The following HTN1 variants were observed in gnomAD, a reference collection of about 807,000 sequenced individuals.
HTN1 encodes the protein histatin-1.
In HTN1, 18 loss-of-function variants were observed where a neutral mutation model predicts 11.2. The ratio of observed to expected loss-of-function variants is 1.61; its 90% confidence interval spans 1.12 to 2.39. The LOEUF is 2.39. HTN1 is among the 30% of genes most tolerant of loss of function. HTN1 has a pLI of 0.00. For synonymous variants in HTN1, 21 were observed against 20.5 expected (o/e 1.02, Z -0.07); for missense variants, 80 against 67.2 (o/e 1.19, Z -0.67).
At chr4:70,056,651 A>G (rs1203857378) in intron 5 of HTN1, 2 of 152,156 alleles carry the variant, frequency 1.3e-5, no homozygotes, top group African/African-American at 2.4e-5. Flanking sequence ...GTCGAGCTCT[A>G]ATATCCAGAA....
intron 5 of HTN1, chr4:70,058,303 T>C (rs1726095235): frequency 6.6e-6 from 1 of 152,110 alleles, no homozygotes; most frequent in African/African-American, 2.4e-5. Context: ...ATGAAATGTG[T>C]AGGCTATATT....
intron 4 of HTN1, among the ~76,000 whole-genome samples, chr4:70,054,702 T>C (rs748455383): frequency 3.3e-5 from 5 of 152,046 alleles, no homozygotes; most frequent in Non-Finnish European, 7.4e-5. Context: ...CTTATCTTTG[T>C]CCTGTAAATA....
At chr4:70,057,603 A>C (rs1031067825) in intron 5 of HTN1, 5 of 152,220 alleles carry the variant, frequency 3.3e-5, no homozygotes, top group Non-Finnish European at 7.3e-5. Context: ...CTATAGTTCC[A>C]GTTCTGACCT....
chr4:70,051,089 G>A (rs1464342891), intron 1 of HTN1, among the ~76,000 whole-genome samples: 1 of 150,174 alleles, frequency 6.7e-6, no homozygotes, highest in African/African-American at 2.5e-5. Flanking sequence ...TCCTTGTCTA[G>A]ATACCTAATA....
At position 70,058,563 on chromosome 4, in the gene HTN1, T is replaced by G. The variant is rs1179146604; in HGVS notation, c.*34-17T>G. On this transcript the variant is annotated splice_polypyrimidine_tract_variant and intron_variant, in intron 5 of 5. Transcript: ENST00000246896. ...ATCCATTTTGAAGATAAAGTGTTAT[T>G]TTCTTTTTCTTCACAGGTTTGACTG... 6.6e-6 allele frequency: 1 copy of G among 152,142 alleles called. No individual in the cohort carries two copies. The highest frequency in any genetic ancestry group is 1.5e-5 in the Non-Finnish European group (1 of 68,010). 9.4% of individuals were successfully genotyped at this position (152,142 alleles called of 1,614,324 possible). A position where few individuals can be genotyped will look rare whatever the true frequency, so the allele number is the denominator to read the frequency against.
In HTN1 at chr4:70,054,342, G is replaced by A; in HGVS notation, c.72G>A (p.Lys24=). The A allele has an allele frequency of 6.5e-7, 1 of 1,527,210 alleles. No individual in the cohort carries two copies. Among genetic ancestry groups the A allele is most frequent in the Non-Finnish European group, 8.9e-7 (1 of 1,121,596 alleles). The allele number at this position is 1,527,210 out of a possible 1,614,324, so 94.6% of individuals were successfully genotyped here. Residue 24 remains lysine (K), a splice_region_variant and synonymous_variant, in exon 3 of 6, where the codon AAG becomes AAA. Coordinates refer to ENST00000246896, the MANE Select transcript of HTN1 (RefSeq NM_002159.4). ...CCAAGAGCGCTGATTCACATGAAAA[G>A]GTAAGACATTTTCATTTACGGGAAA... ...ISMISADSHE[K]RHHGYRRKFH... is the part of the protein sequence containing the mutation.
At position 70,053,364 on chromosome 4, in the gene HTN1, A is replaced by G. The variant is rs2070719; in HGVS notation, c.51+237A>G. ...TACAATTACTTGAATGTAAAAGTAA[A>G]AGAAAATTTAGCGAGCTTTTTAAAT... On this transcript the variant is annotated intron_variant, in intron 2 of 5. Coordinates refer to ENST00000246896, the MANE Select transcript of HTN1 (RefSeq NM_002159.4). 0.52 allele frequency among the ~76,000 whole-genome samples: 78,407 copies of G among 152,002 alleles called. 20,966 individuals are homozygous for G. The highest frequency in any genetic ancestry group is 0.64 in the East Asian group (3,281 of 5,142).
intron 1 of HTN1, among the ~76,000 whole-genome samples, chr4:70,052,171 T>C (rs1725910768): frequency 6.6e-6 from 1 of 152,116 alleles, no homozygotes; most frequent in African/African-American, 2.4e-5. Flanking sequence ...GATACAATCA[T>C]TTTCCCTGTG....
intron 2 of HTN1, among the ~76,000 whole-genome samples, chr4:70,053,715 C>T (rs1725957470): frequency 6.6e-6 from 1 of 152,072 alleles, no homozygotes; most frequent in Non-Finnish European, 1.5e-5. Context: ...AGCTCTTTCT[C>T]CTTCTCTACT....
chr4:70,055,508 A>G lies in HTN1; in HGVS notation c.113A>G (p.His38Arg). The G allele has an allele frequency of 6.3e-7, 1 of 1,593,888 alleles. No homozygotes were observed. The highest frequency in any genetic ancestry group is 8.6e-7 in the Non-Finnish European group (1 of 1,162,334). ...TTTGTGTGTATGCAGGAAAAGCATC[A>G]TTCACATCGAGAATTTCCATTTTAT... ...GYRRKFHEKHHSHREFPFYGD... is the reference protein window; with the variant it reads ...GYRRKFHEKHRSHREFPFYGD... The change falls in exon 5 of 6, where the codon CAT becomes CGT. Residue 38 changes from histidine (H) to arginine (R), a missense_variant. His to Arg is a conservative substitution (Grantham distance 29). Coordinates refer to ENST00000246896, the MANE Select transcript of HTN1 (RefSeq NM_002159.4).
At chr4:70,051,111 A>T (rs1725880429) in intron 1 of HTN1, among the ~76,000 whole-genome samples, 1 of 152,132 alleles carries the variant, frequency 6.6e-6, no homozygotes, top group Non-Finnish European at 1.5e-5. Flanking sequence ...CTACTTTCTT[A>T]ATTATTAATT....
chr4:70,052,301 C>T (rs1725914479), intron 1 of HTN1, among the ~76,000 whole-genome samples: 1 of 152,062 alleles, frequency 6.6e-6, no homozygotes, highest in Non-Finnish European at 1.5e-5. Context: ...ATTATAAAGC[C>T]AGTCTCCATT....
chr4:70,052,985 C>T, intron 1 of HTN1, 79 bp from the exon 2 acceptor site: 3 of 855,652 alleles, frequency 3.5e-6, no homozygotes, highest in Non-Finnish European at 6.0e-6. Context: ...TGCTTTGAAG[C>T]ATAGTGTCAT....
chr4:70,055,724 T>C, intron 5 of HTN1, 122 bp downstream of exon 5: 1 of 575,694 alleles, frequency 1.7e-6, no homozygotes, highest in African/African-American at 1.9e-5. Context: ...CCTTGAAGTG[T>C]ATTCATTTGT....
chr4:70,055,358 G>T, intron 4 of HTN1, 140 bp from the exon 5 acceptor site: 2 of 650,584 alleles, frequency 3.1e-6, no homozygotes, highest in Non-Finnish European at 2.7e-6. Context: ...AAATGTAAAA[G>T]TTTGAAAACA....
At chr4:70,054,251 C>G in intron 2 of HTN1, 71 bp from the exon 3 acceptor site, 1 of 962,416 alleles carries the variant, frequency 1.0e-6, no homozygotes, top group Non-Finnish European at 1.5e-6. Flanking sequence ...GTGGCTAAGT[C>G]AATATTTATA....
Position 70,055,514 on chromosome 4 carries a change from A to C in HTN1, c.119A>C (p.His40Pro). Residue 40 changes from histidine (H) to proline (P), a missense_variant, in exon 5 of 6, where the codon CAT (histidine) becomes CCT (proline). Physicochemically the swap from His to Pro is moderately conservative, Grantham distance 77. Transcript: ENST00000246896. The stretch of plus-strand genomic sequence containing the variant: ...TGTATGCAGGAAAAGCATCATTCAC[A>C]TCGAGAATTTCCATTTTATGGGGAC... ...RRKFHEKHHS[H>P]REFPFYGDYG... The C allele has an allele frequency of 6.3e-7, 1 of 1,597,384 alleles. No individual in the cohort carries two copies. Among genetic ancestry groups the C allele is most frequent in the Non-Finnish European group, 8.6e-7 (1 of 1,165,496 alleles).
chr4:70,055,655 A>T (rs1214585308), intron 5 of HTN1, 53 bp downstream of exon 5: 22 of 712,358 alleles, frequency 3.1e-5, no homozygotes, highest in South Asian at 2.9e-4. Context: ...CTGACAGTTT[A>T]AAAAAAAAGC....
At chr4:70,057,395 G>C (rs770645319) in intron 5 of HTN1, 1 of 151,234 alleles carries the variant, frequency 6.6e-6, no homozygotes, top group Non-Finnish European at 1.5e-5. Flanking sequence ...GAGGGAGTAA[G>C]GGAAGGTAAC....
Sources: allele counts gnomAD v4.1 joint callset (sites outside exome capture counted in the v4.1 genomes callset), GRCh38; gene constraint gnomAD v4.1.1; transcripts MANE v1.5; gene names NCBI Gene and HGNC (gene_info 2026-07-23, HGNC 2026-07-21).